Variants in CFAP251 observed in about 807,000 individuals in gnomAD.
CFAP251 encodes the protein cilia and flagella associated protein 251, also known as cilia- and flagella-associated protein 251.
Under a neutral mutation model 126.7 loss-of-function variants are expected in CFAP251, and 93 were observed. That is an observed-to-expected ratio of 0.73 (90% CI 0.62 to 0.87). The LOEUF (loss-of-function observed/expected upper bound fraction) is 0.87, where lower values mean the gene tolerates loss of function less well. Among genes scored for constraint, CFAP251 ranks in the 40% least tolerant of loss-of-function variants. The pLI, the probability that CFAP251 is intolerant of heterozygous loss-of-function variation, is 0.00. For synonymous variants in CFAP251, 503 were observed against 506.9 expected (o/e 0.99, Z 0.10); for missense variants, 1,287 against 1,389.2 (o/e 0.93, Z 1.17).
intron 19 of CFAP251, among the ~76,000 whole-genome samples, chr12:121,979,861 C>CAGCCAGGATTCTTGAGTTTAATCCCT (rs1882576166): frequency 6.6e-6 from 1 of 152,144 alleles, no homozygotes; most frequent in Non-Finnish European, 1.5e-5. Context: ...CCACCGTGCC[C>CAGCCAGGATTCTTGAGTTTAATCCCT]GGCCTCAGCC....
At chr12:121,924,785 G>A (rs1316239576) in intron 3 of CFAP251, among the ~76,000 whole-genome samples, 1 of 152,170 alleles carries the variant, frequency 6.6e-6, no homozygotes, top group African/African-American at 2.4e-5. Flanking sequence ...ACGTGTGACT[G>A]AACATGAACT....
rs1403981845 is a variant in CFAP251 at position 121,974,462 on chromosome 12, C to G, written c.2772-782C>G. Among the ~76,000 whole-genome samples the G allele has an allele frequency of 1.3e-5, 2 of 152,058 alleles. No homozygotes were observed. Among genetic ancestry groups the G allele is most frequent in the South Asian group, 2.1e-4 (1 of 4,820 alleles). ...ATGCCAGGGGGGTTAAGTCACCTCC[C>G]CAGAATCACACAGCTTGCCAGGGGT... On this transcript the variant is annotated intron_variant, in intron 17 of 21. Transcript: ENST00000288912. This position sits in a 1 kb window ranked among gnomAD's most constrained non-coding sequence, Gnocchi z 4.6.
intron 17 of CFAP251, 51 bp downstream of exon 17, chr12:121,968,220 C>G (rs1882216789): frequency 6.5e-7 from 1 of 1,531,230 alleles, no homozygotes. Context: ...CCTTTTCACT[C>G]AGCAACAGTG....
chr12:121,919,140 A>AT (rs1330222567), intron 1 of CFAP251, among the ~76,000 whole-genome samples: 8,688 of 65,502 alleles, frequency 0.13, 407 homozygotes, highest in African/African-American at 0.22. Context: ...TATTATTATT[A>AT]TTATTTTTTT....
In CFAP251 at chr12:121,920,313, C is replaced by T. The variant is rs183240093; in HGVS notation, c.-20-973C>T. On this transcript the variant is annotated intron_variant, in intron 1 of 21. Coordinates refer to ENST00000288912, the MANE Select transcript of CFAP251 (RefSeq NM_144668.6). Reference sequence around the variant, plus strand: ...CATGATCTTGGCTCGCTGCAACCTCCGCCTCCCAGATTCAAGCTATTCTCC... The same window carrying T: ...CATGATCTTGGCTCGCTGCAACCTCTGCCTCCCAGATTCAAGCTATTCTCC... Among the ~76,000 whole-genome samples, 143 of 147,756 alleles carry T rather than the reference C, an allele frequency of 9.7e-4. 3 individuals are homozygous for T. In the East Asian group the frequency reaches 0.023, roughly 24 times the overall value.
rs1416254862 is a variant in CFAP251 at position 121,929,690 on chromosome 12, T to TC, written c.748-2056_748-2055insC. On this transcript the variant is annotated intron_variant, in intron 3 of 21. Coordinates refer to ENST00000288912, the MANE Select transcript of CFAP251 (RefSeq NM_144668.6). ...CCTGGCAACCACTGATCTTTTTTTT[T>TC]TTTTTGAGACAGGGTCTTGCTCTGT... 7.9e-5 allele frequency among the ~76,000 whole-genome samples: 12 copies of TC among 152,112 alleles called. No individual in the cohort carries two copies. The South Asian group carries it at 8.3e-4, about 11-fold the overall frequency.
At chr12:121,975,419 TC>T (rs1273742493) in intron 18 of CFAP251, 85 bp downstream of exon 18, 1 of 1,565,532 alleles carries the variant, frequency 6.4e-7, no homozygotes, top group Non-Finnish European at 8.8e-7. Context: ...CTTGCTTTAT[TC>T]CAAAGCTTTG....
intron 17 of CFAP251, chr12:121,971,807 C>T (rs890469640): frequency 2.2e-5 from 12 of 541,154 alleles, no homozygotes; most frequent in Admixed American, 9.0e-5. Context: ...AATTGTACTC[C>T]GATAATTCCC....
At chr12:121,929,201 G>C (rs1393166958) in intron 3 of CFAP251, among the ~76,000 whole-genome samples, 3 of 151,394 alleles carry the variant, frequency 2.0e-5, no homozygotes, top group African/African-American at 7.3e-5. Context: ...CATGCCTGTA[G>C]TCCCAGCTAC....
intron 19 of CFAP251, among the ~76,000 whole-genome samples, chr12:121,986,648 C>T (rs1413874826): frequency 6.7e-6 from 1 of 148,460 alleles, no homozygotes; most frequent in Non-Finnish European, 1.5e-5. Context: ...GCCTGAAGTC[C>T]CAGCTACTCA....
intron 5 of CFAP251, among the ~76,000 whole-genome samples, chr12:121,941,133 T>A (rs1881096230): frequency 6.6e-6 from 1 of 151,548 alleles, no homozygotes; most frequent in African/African-American, 2.4e-5. Flanking sequence ...TGGGTTCAAG[T>A]GATTCTCCTA....
chr12:121,946,438 A>G (rs1720033), intron 7 of CFAP251, among the ~76,000 whole-genome samples: 54,129 of 151,976 alleles, frequency 0.36, 10,999 homozygotes, highest in Non-Finnish European at 0.47. Flanking sequence ...TCAGCAGTTC[A>G]TATCTTCAAG....
At chr12:121,928,696 A>ACG (rs1189685798) in intron 3 of CFAP251, among the ~76,000 whole-genome samples, 1 of 43,634 alleles carries the variant, frequency 2.3e-5, no homozygotes, top group African/African-American at 1.9e-4. Flanking sequence ...ATACGTATAT[A>ACG]TATATATATT....
intron 5 of CFAP251, among the ~76,000 whole-genome samples, chr12:121,940,619 A>G (rs1365942130): frequency 6.6e-6 from 1 of 152,186 alleles, no homozygotes; most frequent in Admixed American, 6.5e-5. Context: ...TCCAGTGGGA[A>G]TCAGCAGACC....
chr12:121,991,158 A>ATCAT (rs1277465833), intron 19 of CFAP251, among the ~76,000 whole-genome samples: 1 of 152,192 alleles, frequency 6.6e-6, no homozygotes, highest in African/African-American at 2.4e-5. Flanking sequence ...TATTTACTTC[A>ATCAT]TCATTCATTC....
Position 121,942,600 on chromosome 12 carries a change from C to G in CFAP251, c.1065C>G (p.Thr355=). ...EGNGIMAMAM[T]HDAKYLATIS... is the part of the protein sequence containing the mutation. ...ATGGCATCATGGCCATGGCCATGAC[C>G]CACGACGCCAAGTATCTGGCAACCA... Residue 355 remains threonine, a synonymous_variant, in exon 6 of 22, where the codon ACC becomes ACG. Coordinates refer to ENST00000288912, the MANE Select transcript of CFAP251 (RefSeq NM_144668.6). 1 of 1,613,662 alleles carries G rather than the reference C, an allele frequency of 6.2e-7. No individual in the cohort carries two copies. The highest frequency in any genetic ancestry group is 8.5e-7 in the Non-Finnish European group (1 of 1,179,990).
intron 10 of CFAP251, among the ~76,000 whole-genome samples, chr12:121,954,636 T>TTAAAAAAA (rs1881651364): frequency 2.4e-5 from 1 of 41,980 alleles, no homozygotes; most frequent in Middle Eastern, 0.05. Flanking sequence ...CCTCCTGTCT[T>TTAAAAAAA]AAAAAAAAAA....
At chr12:121,929,929 C>T (rs1037329893) in intron 3 of CFAP251, among the ~76,000 whole-genome samples, 37 of 152,154 alleles carry the variant, frequency 2.4e-4, no homozygotes, top group African/African-American at 8.0e-4. Context: ...CCACCCGCCT[C>T]GGCCTCCCAA....
At chr12:121,956,336 T>C (rs2135780334) in intron 10 of CFAP251, among the ~76,000 whole-genome samples, 1 of 152,218 alleles carries the variant, frequency 6.6e-6, no homozygotes, top group South Asian at 2.1e-4. Context: ...GTATGGCTGA[T>C]CTTGGAGGGC....
Sources: allele counts gnomAD v4.1 joint callset (sites outside exome capture counted in the v4.1 genomes callset), GRCh38; gene constraint gnomAD v4.1.1; non-coding constraint Gnocchi (gnomAD v3.1); transcripts MANE v1.5; gene names NCBI Gene and HGNC (gene_info 2026-07-23, HGNC 2026-07-21).